PHKA2: variants seen among roughly 807,000 people sequenced by gnomAD.
PHKA2 encodes the protein phosphorylase kinase regulatory subunit alpha 2.
Under a neutral mutation model 102.0 loss-of-function variants are expected in PHKA2, and 31 were observed. The observed-to-expected ratio is 0.30, with a 90% CI of 0.23 to 0.41. The LOEUF is 0.41. PHKA2 is among the 10% of genes least tolerant of loss of function. The pLI, the probability that PHKA2 is intolerant of heterozygous loss-of-function variation, is 1.00. For synonymous variants in PHKA2, 455 were observed against 416.2 expected, an observed-to-expected ratio of 1.09 and a Z score of -1.13; for missense variants, 858 against 1,023.1, an observed-to-expected ratio of 0.84 and a Z score of 2.20.
At chrX:18,894,522 G>A in intron 31 of PHKA2, 118 bp from the exon 32 acceptor site, 1 of 625,225 alleles carries the variant, frequency 1.6e-6, no homozygotes, top group South Asian at 2.4e-5. Context: ...CAGCGCCACT[G>A]CTGCCCCTTT....
Position 18,925,771 on chromosome X carries a change from T to C in PHKA2, c.1466A>G (p.Asn489Ser). Residue 489 changes from asparagine (N) to serine (S), a missense_variant, in exon 15 of 33, where the codon AAT becomes AGT. By Grantham distance (46) the Asn-to-Ser change is conservative. Coordinates refer to ENST00000379942, the MANE Select transcript of PHKA2 (RefSeq NM_000292.3). ...TCGCCCACTCAAATTCATATTCTTA[T>C]TCCGTCCTGTTTGAGAAGTAAAAGA... ...LSHIYAKLGRNKNMNLSGRPY... is the reference protein window; with the variant it reads ...LSHIYAKLGRSKNMNLSGRPY... 1 of 1,152,966 alleles carries C rather than the reference T, an allele frequency of 8.7e-7. No homozygotes were observed. The highest frequency in any genetic ancestry group is 1.2e-6 in the Non-Finnish European group (1 of 842,224).
In PHKA2 at chrX:18,894,925, C is replaced by T. The variant is rs751796825; in HGVS notation, c.3336+213G>A. ...CAAAGAGCTTGCTAGCCCAGAAATG[C>T]TGAGTCTCAGGTGAAGAAAAAGGCT... On this transcript the variant is annotated intron_variant, in intron 31 of 32. Coordinates refer to ENST00000379942, the MANE Select transcript of PHKA2 (RefSeq NM_000292.3). 6.6e-6 allele frequency: 3 copies of T among 451,734 alleles called. No individual in the cohort carries two copies. In the Admixed American group the frequency reaches 1.1e-4, roughly 16 times the overall value. 37.2% of individuals were successfully genotyped at this position (451,734 alleles called of 1,213,427 possible). A position where few individuals can be genotyped will look rare whatever the true frequency, so the allele number is the denominator to read the frequency against.
chrX:18,939,652 C>G (rs781331094), intron 9 of PHKA2, among the ~76,000 whole-genome samples: 15 of 111,943 alleles, frequency 1.3e-4, no homozygotes, highest in Admixed American at 6.6e-4. Context: ...CGCCACCACA[C>G]CCGGCTAATT....
At chrX:18,952,601 C>T in intron 2 of PHKA2, 60 bp from the exon 3 acceptor site, 1 of 1,093,348 alleles carries the variant, frequency 9.1e-7, no homozygotes, top group South Asian at 1.9e-5. Flanking sequence ...GGAAAATCAC[C>T]TCCTGATCAC....
At chrX:18,900,740 A>C in intron 27 of PHKA2, 41 bp from the exon 28 acceptor site, 1 of 1,154,427 alleles carries the variant, frequency 8.7e-7, no homozygotes, top group South Asian at 1.8e-5. Context: ...ACCAGCTTTG[A>C]GCCAAGAACG....
chrX:18,954,713 G>A (rs2048749638), intron 1 of PHKA2, among the ~76,000 whole-genome samples: 1 of 112,862 alleles, frequency 8.9e-6, no homozygotes. Context: ...TAAAACAGAA[G>A]AAACAGCAAA....
chrX:18,959,239 T>C (rs2048830285), intron 1 of PHKA2, among the ~76,000 whole-genome samples: 1 of 112,284 alleles, frequency 8.9e-6, no homozygotes, highest in Non-Finnish European at 1.9e-5. Flanking sequence ...AATTAATTCG[T>C]ATCAAGCTTT....
At chrX:18,902,613 T>C (rs1342120140) in intron 26 of PHKA2, among the ~76,000 whole-genome samples, 1 of 106,755 alleles carries the variant, frequency 9.4e-6, no homozygotes, top group Non-Finnish European at 1.9e-5. Flanking sequence ...AAAACAAAAT[T>C]AGCTGGGCGT....
At chrX:18,899,265 AC>A (rs758420844) in intron 28 of PHKA2, 39 bp from the exon 29 acceptor site, 1 of 1,055,567 alleles carries the variant, frequency 9.5e-7, no homozygotes, top group African/African-American at 1.8e-5. Context: ...GACAGCAATG[AC>A]ACCAAGAGAC....
At chrX:18,922,146 C>T (rs763678620) in intron 17 of PHKA2, among the ~76,000 whole-genome samples, 6 of 110,139 alleles carry the variant, frequency 5.4e-5, no homozygotes, top group Non-Finnish European at 1.1e-4. Flanking sequence ...CCTGGGAGGC[C>T]GAGGCAGGAG....
chrX:18,896,942 G>A (rs1284596462), intron 30 of PHKA2, among the ~76,000 whole-genome samples: 8 of 111,743 alleles, frequency 7.2e-5, no homozygotes, highest in Non-Finnish European at 1.5e-4. Context: ...GGGGAGAAGA[G>A]ATGGCTGCTG....
chrX:18,974,090 A>AAT (rs1281217799), intron 1 of PHKA2, among the ~76,000 whole-genome samples: 1 of 110,619 alleles, frequency 9.0e-6, no homozygotes, highest in Non-Finnish European at 1.9e-5. Context: ...GGTCACCTGC[A>AAT]ATATATATGC....
At chrX:18,970,503 T>C (rs1340868643) in intron 1 of PHKA2, among the ~76,000 whole-genome samples, 2 of 112,546 alleles carry the variant, frequency 1.8e-5, no homozygotes, top group African/African-American at 6.5e-5. Flanking sequence ...AATGGCTATA[T>C]AGTATTCCAG....
At chrX:18,895,740 G>A (rs959513799) in intron 30 of PHKA2, 9 of 121,399 alleles carry the variant, frequency 7.4e-5, no homozygotes, top group African/African-American at 2.2e-4. Flanking sequence ...CAGTGAGTCC[G>A]AGCGGAAGCA....
chrX:18,902,896 G>A (rs1018687079), intron 26 of PHKA2: 37 of 112,114 alleles, frequency 3.3e-4, no homozygotes, highest in African/African-American at 1.1e-3. Flanking sequence ...TGGGCAGCAT[G>A]GTGAGACCTC....
At chrX:18,939,104 A>G (rs749786317) in intron 9 of PHKA2, among the ~76,000 whole-genome samples, 1 of 112,661 alleles carries the variant, frequency 8.9e-6, no homozygotes, top group East Asian at 2.8e-4. Flanking sequence ...TCGGTCTTTA[A>G]GAAAAATGTG....
chrX:18,951,349 C>G (rs2048683446), intron 3 of PHKA2, 77 bp from the exon 4 acceptor site: 1 of 1,023,577 alleles, frequency 9.8e-7, no homozygotes, highest in Non-Finnish European at 1.4e-6. Flanking sequence ...TGGCCAGCCA[C>G]CTGGATCTAG....
intron 1 of PHKA2, among the ~76,000 whole-genome samples, chrX:18,967,102 G>A (rs945939820): frequency 1.6e-4 from 18 of 111,583 alleles, no homozygotes; most frequent in Non-Finnish European, 2.5e-4. Context: ...CTGGGTGGTG[G>A]TGCCAGACTT....
chrX:18,954,124 A>G, intron 2 of PHKA2, 130 bp downstream of exon 2: 1 of 641,445 alleles, frequency 1.6e-6, no homozygotes, highest in Non-Finnish European at 2.5e-6. Context: ...TCCCCAAAAT[A>G]TTCTATAGCA....
Sources: gnomAD v4.1 joint callset for allele counts (sites outside exome capture counted in the v4.1 genomes callset) on GRCh38, gnomAD v4.1.1 for gene constraint, MANE v1.5 for transcripts, NCBI Gene and HGNC (gene_info 2026-07-23, HGNC 2026-07-21) for gene names.